Variants in CNTN4 observed in about 807,000 individuals in gnomAD.
The protein encoded by CNTN4 is contactin-4.
In CNTN4, 77 loss-of-function variants were observed where a neutral mutation model predicts 122.5. The ratio of observed to expected loss-of-function variants is 0.63; its 90% CI spans 0.52 to 0.76. The LOEUF is 0.76. CNTN4 is among the 30% of genes least tolerant of loss of function. CNTN4 has a pLI of 0.00. For missense variants in CNTN4, 1,256 were observed against 1,259.1 expected, an observed-to-expected ratio of 1.00 and a Z score of 0.04; for synonymous variants, 512 against 447.0, an observed-to-expected ratio of 1.15 and a Z score of -1.83.
chr3:2,769,534 T>C (rs187563089), intron 6 of CNTN4, among the ~76,000 whole-genome samples: 46 of 152,170 alleles, frequency 3.0e-4, no homozygotes, highest in African/African-American at 9.6e-4. Flanking sequence ...TTTCTGTTGA[T>C]ACTATCTTTC....
intron 3 of CNTN4, among the ~76,000 whole-genome samples, chr3:2,515,491 T>C (rs556463743): frequency 2.5e-3 from 385 of 152,238 alleles, no homozygotes; most frequent in African/African-American, 8.9e-3. Context: ...CCAAACAGTA[T>C]GGAAAAATAA....
intron 4 of CNTN4, among the ~76,000 whole-genome samples, chr3:2,701,307 C>T (rs922265457): frequency 1.6e-4 from 24 of 152,020 alleles, no homozygotes; most frequent in African/African-American, 5.6e-4. Context: ...TGATCTTGGT[C>T]CTGGAAATGA....
chr3:2,518,237 A>ATGTGTG (rs1559628639), intron 3 of CNTN4, among the ~76,000 whole-genome samples: 7 of 147,502 alleles, frequency 4.7e-5, no homozygotes, highest in African/African-American at 1.3e-4. Flanking sequence ...GTGTGTGTGC[A>ATGTGTG]CACACGCACA....
At chr3:2,613,147 T>G (rs959174286) in intron 4 of CNTN4, among the ~76,000 whole-genome samples, 1 of 151,008 alleles carries the variant, frequency 6.6e-6, no homozygotes, top group Admixed American at 6.7e-5. Flanking sequence ...TAGTTTTACT[T>G]AAGATAGCTT....
chr3:2,298,032 A>G (rs535932646), intron 2 of CNTN4, among the ~76,000 whole-genome samples: 1 of 152,282 alleles, frequency 6.6e-6, no homozygotes, highest in Admixed American at 6.5e-5. Context: ...GTGCCTGGTC[A>G]TCTGTTATGT....
chr3:2,666,884 T>C (rs1275996857), intron 4 of CNTN4, among the ~76,000 whole-genome samples: 1 of 152,016 alleles, frequency 6.6e-6, no homozygotes, highest in Non-Finnish European at 1.5e-5. Flanking sequence ...AATGATGGTT[T>C]CCAGCTTCAT....
chr3:2,648,469 A>T lies in CNTN4; in HGVS notation c.55+76911A>T, dbSNP rs898790864. ...TAGTTCAAAGTTTATTCTTACTATTATATCTGTTATAGTGATCTGTGATCA... is the reference window on the plus strand; with the variant it reads ...TAGTTCAAAGTTTATTCTTACTATTTTATCTGTTATAGTGATCTGTGATCA... On this transcript the variant is annotated intron_variant, in intron 4 of 24. Transcript: ENST00000418658. 9.9e-5 allele frequency among the ~76,000 whole-genome samples: 15 copies of T among 152,228 alleles called. No individual in the cohort carries two copies. The East Asian group carries it at 2.7e-3, about 27-fold the overall frequency.
At chr3:2,593,196 T>C (rs143372289) in intron 4 of CNTN4, among the ~76,000 whole-genome samples, 1 of 152,340 alleles carries the variant, frequency 6.6e-6, no homozygotes, top group East Asian at 1.9e-4. Context: ...AGCATAATAT[T>C]ATAGCTGAAA....
At position 2,385,136 on chromosome 3, in the gene CNTN4, A is replaced by G. The variant is rs2150815917; in HGVS notation, c.-89+45903A>G. 6.6e-6 allele frequency among the ~76,000 whole-genome samples: 1 copy of G among 152,120 alleles called. No individual in the cohort carries two copies. Among genetic ancestry groups the G allele is most frequent in the South Asian group, 2.1e-4 (1 of 4,812 alleles). On this transcript the variant is annotated intron_variant, in intron 3 of 24. Coordinates refer to ENST00000418658, the MANE Select transcript of CNTN4 (RefSeq NM_175607.3). This position sits in a 1 kb window ranked among gnomAD's most constrained non-coding sequence, Gnocchi z 4.0. ...GACCTGTTAAAAGTATAAACATATC[A>G]TTTTCTACTTTAAACCATAATCCAT...
At chr3:2,617,438 T>TTTG (rs2081807507) in intron 4 of CNTN4, among the ~76,000 whole-genome samples, 1 of 148,382 alleles carries the variant, frequency 6.7e-6, no homozygotes, top group Non-Finnish European at 1.5e-5. Context: ...TTTTTTTTTT[T>TTTG]GAGACAGAGT....
intron 2 of CNTN4, among the ~76,000 whole-genome samples, chr3:2,282,021 C>T (rs180733496): frequency 2.0e-4 from 30 of 152,218 alleles, no homozygotes; most frequent in African/African-American, 7.0e-4. Flanking sequence ...TAATCCTGCT[C>T]CATTTCTAAA....
chr3:2,910,058 C>A lies in CNTN4; in HGVS notation c.1207+7053C>A, dbSNP rs148212774. On this transcript the variant is annotated intron_variant, in intron 12 of 24. Coordinates refer to ENST00000418658, the MANE Select transcript of CNTN4 (RefSeq NM_175607.3). ...AAAGAGCAGGCATCAGAGATTCCAA[C>A]CATGGCTGAAGGCCCCATTTCAACA... 3.6e-3 allele frequency among the ~76,000 whole-genome samples: 546 copies of A among 152,320 alleles called. 20 individuals are homozygous for A. The highest frequency in any genetic ancestry group is 0.032 in the Admixed American group (488 of 15,298).
chr3:2,533,329 C>T (rs1464638976), intron 3 of CNTN4, among the ~76,000 whole-genome samples: 1 of 151,832 alleles, frequency 6.6e-6, no homozygotes, highest in African/African-American at 2.4e-5. Flanking sequence ...TTCCTTTTCC[C>T]GTGTCCAAGT....
chr3:2,373,987 C>T (rs1409292786), intron 3 of CNTN4, among the ~76,000 whole-genome samples: 1 of 152,098 alleles, frequency 6.6e-6, no homozygotes, highest in Non-Finnish European at 1.5e-5. Flanking sequence ...ACTTAAATGA[C>T]ATTTTAATCA....
intron 2 of CNTN4, among the ~76,000 whole-genome samples, chr3:2,223,468 G>C (rs1271166375): frequency 6.6e-6 from 1 of 152,138 alleles, no homozygotes; most frequent in African/African-American, 2.4e-5. Flanking sequence ...CTGATTTTTA[G>C]AATATCAAGG....
intron 3 of CNTN4, among the ~76,000 whole-genome samples, chr3:2,545,508 GTC>G (rs1047550380): frequency 5.9e-5 from 9 of 152,044 alleles, no homozygotes; most frequent in African/African-American, 2.2e-4. Context: ...CTCTTCATAG[GTC>G]TCTGAGAACT....
At position 2,961,251 on chromosome 3, in the gene CNTN4, G is replaced by A. The variant is rs865900937; in HGVS notation, c.1359-27094G>A. 9.7e-3 allele frequency among the ~76,000 whole-genome samples: 812 copies of A among 83,762 alleles called. 9 individuals are homozygous for A. Among genetic ancestry groups the A allele is most frequent in the Middle Eastern group, 0.016 (2 of 128 alleles). The allele number at this position is 83,762 out of a possible 152,430, so 55.0% of individuals were successfully genotyped here. A position where few individuals can be genotyped will look rare whatever the true frequency, so the allele number is the denominator to read the frequency against. ...TCTCACAAAAAAAAAAAAAAAAAAAGGCCTACTGAATATTGAATGAAGAGG... is the reference window on the plus strand; with the variant it reads ...TCTCACAAAAAAAAAAAAAAAAAAAAGCCTACTGAATATTGAATGAAGAGG... On this transcript the variant is annotated intron_variant, in intron 13 of 24. Coordinates refer to ENST00000418658, the MANE Select transcript of CNTN4 (RefSeq NM_175607.3).
chr3:2,275,352 A>G (rs371370061), intron 2 of CNTN4, among the ~76,000 whole-genome samples: 1 of 152,294 alleles, frequency 6.6e-6, no homozygotes, highest in East Asian at 1.9e-4. Context: ...TGCTAATTGG[A>G]TCATGTCCAT....
At position 2,576,500 on chromosome 3, in the gene CNTN4, A is replaced by G. The variant is rs190171336; in HGVS notation, c.55+4942A>G. Among the ~76,000 whole-genome samples, 15 of 152,128 alleles carry G rather than the reference A, an allele frequency of 9.9e-5. No homozygotes were observed. The East Asian group carries it at 2.7e-3, about 27-fold the overall frequency. On this transcript the variant is annotated intron_variant, in intron 4 of 24. Coordinates refer to ENST00000418658, the MANE Select transcript of CNTN4 (RefSeq NM_175607.3). ...GCCTTGAAGTCTATATCTTGGTGCA[A>G]CACTGCCTCTCCCATTTCTTATTTT... is the stretch of plus-strand genomic sequence containing the variant.
Sources: gnomAD v4.1 joint callset for allele counts (sites outside exome capture counted in the v4.1 genomes callset) on GRCh38, gnomAD v4.1.1 for gene constraint, Gnocchi (gnomAD v3.1) non-coding constraint, MANE v1.5 for transcripts, NCBI Gene and HGNC (gene_info 2026-07-23, HGNC 2026-07-21) for gene names.